The following RAB3C variants were observed in gnomAD, a reference collection of about 807,000 sequenced individuals.
RAB3C encodes ras-related protein Rab-3C.
Under a neutral mutation model 26.4 loss-of-function variants are expected in RAB3C, and 17 were observed. The ratio of observed to expected loss-of-function variants is 0.64; its 90% CI spans 0.44 to 0.97. The LOEUF is 0.97. Ranked by LOEUF, RAB3C falls within the 50% of genes least tolerant of loss-of-function variation. The probability of loss-of-function intolerance (pLI) is 0.00; values close to 1 mark genes in which losing one functional copy is unlikely to be tolerated. For missense variants in RAB3C, 242 were observed against 281.9 expected, an observed-to-expected ratio of 0.86 and a Z score of 1.01; for synonymous variants, 91 against 95.9, an observed-to-expected ratio of 0.95 and a Z score of 0.30.
At chr5:58,684,942 A>T (rs1748413901) in intron 2 of RAB3C, among the ~76,000 whole-genome samples, 1 of 152,184 alleles carries the variant, frequency 6.6e-6, no homozygotes, top group South Asian at 2.1e-4. Context: ...AGATTATCAC[A>T]ATGTGTTACT....
At chr5:58,644,313 A>G (rs1747473341) in intron 2 of RAB3C, 1 of 152,236 alleles carries the variant, frequency 6.6e-6, no homozygotes, top group Admixed American at 6.5e-5. Flanking sequence ...GATGACTGTA[A>G]TGGAATTACT....
intron 3 of RAB3C, among the ~76,000 whole-genome samples, chr5:58,809,691 G>A (rs925544401): frequency 1.3e-5 from 2 of 150,244 alleles, no homozygotes; most frequent in African/African-American, 2.5e-5. Context: ...GTGCCCCCCT[G>A]ACACACACCA....
intron 2 of RAB3C, among the ~76,000 whole-genome samples, chr5:58,637,094 A>G (rs1302655813): frequency 8.7e-6 from 1 of 115,354 alleles, no homozygotes; most frequent in Non-Finnish European, 1.7e-5. Flanking sequence ...TTTATTTCAA[A>G]GAACTTTTTT....
intron 1 of RAB3C, among the ~76,000 whole-genome samples, chr5:58,605,743 CA>C (rs1746548978): frequency 6.6e-6 from 1 of 152,018 alleles, no homozygotes; most frequent in South Asian, 2.1e-4. Flanking sequence ...ACTAAAAATA[CA>C]AAAATTAGCC....
At chr5:58,649,404 C>T (rs953796353) in intron 2 of RAB3C, among the ~76,000 whole-genome samples, 1 of 152,004 alleles carries the variant, frequency 6.6e-6, no homozygotes, top group African/African-American at 2.4e-5. Context: ...GGTCACTGAC[C>T]TCTAATTTCA....
At chr5:58,719,352 A>G (rs1018624805) in intron 2 of RAB3C, among the ~76,000 whole-genome samples, 4 of 151,996 alleles carry the variant, frequency 2.6e-5, no homozygotes, top group Non-Finnish European at 4.4e-5. Flanking sequence ...TTAGCATAAC[A>G]TCTTTCCTGA....
intron 3 of RAB3C, among the ~76,000 whole-genome samples, chr5:58,796,195 A>G (rs879279930): frequency 7.9e-5 from 12 of 152,238 alleles, no homozygotes; most frequent in Admixed American, 7.2e-4. Context: ...TCCAAGTGGT[A>G]TAAATACCTT....
intron 2 of RAB3C, among the ~76,000 whole-genome samples, chr5:58,694,785 G>T (rs1748660973): frequency 6.6e-6 from 1 of 152,028 alleles, no homozygotes; most frequent in Admixed American, 6.5e-5. Context: ...GGGGCTGTTT[G>T]TTTTTTTCTT....
chr5:58,636,657 A>C (rs529539069), intron 2 of RAB3C, among the ~76,000 whole-genome samples: 1 of 152,336 alleles, frequency 6.6e-6, no homozygotes, highest in African/African-American at 2.4e-5. Flanking sequence ...AGAAAAGAAC[A>C]AATAAAGAGG....
At chr5:58,738,742 T>C (rs1233242022) in intron 3 of RAB3C, among the ~76,000 whole-genome samples, 2 of 152,340 alleles carry the variant, frequency 1.3e-5, no homozygotes, top group Non-Finnish European at 2.9e-5. Context: ...GTAAATATGA[T>C]TGCTATTTGT....
chr5:58,736,085 A>G (rs1741127105), intron 3 of RAB3C, among the ~76,000 whole-genome samples: 1 of 152,152 alleles, frequency 6.6e-6, no homozygotes, highest in East Asian at 1.9e-4. Flanking sequence ...ATTTTTAGCT[A>G]AGTTTTCAAA....
chr5:58,585,636 A>G (rs1211063422), intron 1 of RAB3C, among the ~76,000 whole-genome samples: 1 of 152,076 alleles, frequency 6.6e-6, no homozygotes, highest in Admixed American at 6.5e-5. Context: ...TAAATCAAAG[A>G]ATCCTTTTAA....
intron 2 of RAB3C, among the ~76,000 whole-genome samples, chr5:58,699,393 G>A (rs1288249272): frequency 6.6e-6 from 1 of 152,206 alleles, no homozygotes; most frequent in Non-Finnish European, 1.5e-5. Flanking sequence ...CTACTGGGAG[G>A]TGTCCTCCAG....
intron 3 of RAB3C, among the ~76,000 whole-genome samples, chr5:58,792,035 G>A (rs1742534339): frequency 6.6e-6 from 1 of 152,212 alleles, no homozygotes. Flanking sequence ...AAATGAAATA[G>A]CAAGTACTAT....
intron 1 of RAB3C, among the ~76,000 whole-genome samples, chr5:58,596,871 TTAATATATAATACA>T (rs1157479907): frequency 1.5e-5 from 1 of 66,244 alleles, no homozygotes; most frequent in African/African-American, 6.0e-5. Flanking sequence ...AATATTATAT[TTAATATATAATACA>T]TAATATATAA....
chr5:58,768,535 G>T (rs1741957728), intron 3 of RAB3C, among the ~76,000 whole-genome samples: 1 of 152,110 alleles, frequency 6.6e-6, no homozygotes, highest in Non-Finnish European at 1.5e-5. Flanking sequence ...AAATAAGGCT[G>T]AATAAAGGAG....
intron 2 of RAB3C, among the ~76,000 whole-genome samples, chr5:58,701,101 T>C (rs865842145): frequency 6.6e-6 from 1 of 152,030 alleles, no homozygotes; most frequent in African/African-American, 2.4e-5. Flanking sequence ...GTTCACAACA[T>C]TCTCCCGCCT....
At chr5:58,788,558 G>A (rs1742445140) in intron 3 of RAB3C, among the ~76,000 whole-genome samples, 1 of 152,142 alleles carries the variant, frequency 6.6e-6, no homozygotes, top group Admixed American at 6.6e-5. Flanking sequence ...AAATGTTGCT[G>A]GACCCTGCTT....
chr5:58,745,409 AAAAAAAAAAAG>A (rs1354008332), intron 3 of RAB3C, among the ~76,000 whole-genome samples: 4 of 150,764 alleles, frequency 2.7e-5, no homozygotes, highest in African/African-American at 9.8e-5. Context: ...AAAAAAAAAA[AAAAAAAAAAAG>A]AAAGTAGATG....
Sources: allele counts gnomAD v4.1 joint callset (sites outside exome capture counted in the v4.1 genomes callset), GRCh38; gene constraint gnomAD v4.1.1; transcripts MANE v1.5; gene names NCBI Gene and HGNC (gene_info 2026-07-23, HGNC 2026-07-21).